The following NLGN1 variants were observed in gnomAD, a reference collection of about 807,000 sequenced individuals.
NLGN1 encodes the protein neuroligin-1.
NLGN1 carries 12 observed loss-of-function variants against 65.5 expected under a neutral mutation model. The observed-to-expected ratio is 0.18, with a 90% confidence interval of 0.12 to 0.30. NLGN1 has a LOEUF of 0.30. NLGN1 is among the 10% of genes least tolerant of loss of function. The pLI, the probability that NLGN1 is intolerant of heterozygous loss-of-function variation, is 1.00. For missense variants in NLGN1, 750 were observed against 1,007.1 expected (o/e 0.74, Z 3.46); for synonymous variants, 350 against 359.5 (o/e 0.97, Z 0.30).
chr3:174,209,464 G>A (rs1052500150), intron 4 of NLGN1, among the ~76,000 whole-genome samples: 2 of 151,992 alleles, frequency 1.3e-5, no homozygotes, highest in Admixed American at 6.6e-5. Flanking sequence ...ATCACACAGT[G>A]GCAAGCAAAT....
intron 3 of NLGN1, among the ~76,000 whole-genome samples, chr3:173,625,689 T>G (rs1208816603): frequency 6.6e-6 from 1 of 152,178 alleles, no homozygotes; most frequent in Non-Finnish European, 1.5e-5. Context: ...TTAAGAGATA[T>G]TAACTGATAA....
intron 3 of NLGN1, among the ~76,000 whole-genome samples, chr3:173,656,852 C>G (rs937365278): frequency 4.6e-5 from 7 of 151,928 alleles, no homozygotes; most frequent in African/African-American, 1.7e-4. Context: ...AAAGGGCAAT[C>G]TAAGCTACAA....
At chr3:173,658,047 A>G (rs1760342083) in intron 3 of NLGN1, among the ~76,000 whole-genome samples, 1 of 151,994 alleles carries the variant, frequency 6.6e-6, no homozygotes, top group Non-Finnish European at 1.5e-5. Flanking sequence ...AACATAGGTA[A>G]TTAAAGAACT....
intron 3 of NLGN1, among the ~76,000 whole-genome samples, chr3:173,635,611 G>T (rs1756453834): frequency 6.6e-6 from 1 of 152,030 alleles, no homozygotes; most frequent in Admixed American, 6.6e-5. Flanking sequence ...GGAAATAAAT[G>T]ATCACCCGGC....
chr3:173,774,113 A>G (rs1779964924), intron 3 of NLGN1, among the ~76,000 whole-genome samples: 1 of 152,196 alleles, frequency 6.6e-6, no homozygotes, highest in African/African-American at 2.4e-5. Flanking sequence ...TTATTTATAA[A>G]GCAATTGAAA....
intron 4 of NLGN1, among the ~76,000 whole-genome samples, chr3:173,888,114 C>A (rs1474486807): frequency 6.6e-6 from 1 of 151,900 alleles, no homozygotes; most frequent in Non-Finnish European, 1.5e-5. Flanking sequence ...TCACAATGTT[C>A]CCTTTATTCT....
chr3:174,019,935 A>T (rs1009114745), intron 4 of NLGN1, among the ~76,000 whole-genome samples: 1 of 152,112 alleles, frequency 6.6e-6, no homozygotes, highest in African/African-American at 2.4e-5. Context: ...AGATTGTATG[A>T]TTAATTTAAC....
intron 2 of NLGN1, among the ~76,000 whole-genome samples, chr3:173,571,772 T>G (rs62289861): frequency 0.38 from 57,289 of 151,912 alleles, 11,374 homozygotes; most frequent in East Asian, 0.73. Context: ...GTTGTTGTTG[T>G]TGGTGGTGAT....
At chr3:173,859,345 G>A (rs930999443) in intron 4 of NLGN1, among the ~76,000 whole-genome samples, 1 of 151,970 alleles carries the variant, frequency 6.6e-6, no homozygotes, top group East Asian at 1.9e-4. Context: ...TTGCATTTGG[G>A]CCACCATTAT....
At chr3:174,015,057 C>G (rs573766592) in intron 4 of NLGN1, among the ~76,000 whole-genome samples, 1 of 152,210 alleles carries the variant, frequency 6.6e-6, no homozygotes, top group South Asian at 2.1e-4. Flanking sequence ...AAAGCATAGT[C>G]TTATTTACCT....
intron 4 of NLGN1, among the ~76,000 whole-genome samples, chr3:174,012,812 T>C (rs1176848002): frequency 6.6e-6 from 1 of 152,166 alleles, no homozygotes; most frequent in Non-Finnish European, 1.5e-5. Context: ...AGGTTTGAGA[T>C]TATAGATACC....
rs532968457 is a variant in NLGN1, at chr3:173,778,714, C to T, written c.494-28966C>T. ...TTCTTTCTTAACAATAAAGTTAATG[C>T]TCCAAAAATGCATGAAAATTTATTT... On this transcript the variant is annotated intron_variant, in intron 3 of 6. Transcript: ENST00000457714. Among the ~76,000 whole-genome samples the T allele has an allele frequency of 4.0e-5, 6 of 151,898 alleles. No homozygotes were observed. The South Asian group carries it at 1.2e-3, about 31-fold the overall frequency.
At chr3:173,619,542 C>T (rs747001608) in intron 3 of NLGN1, among the ~76,000 whole-genome samples, 22 of 152,220 alleles carry the variant, frequency 1.4e-4, no homozygotes, top group Middle Eastern at 6.8e-3. Flanking sequence ...TACCACAGGC[C>T]AAGCATTGTT....
chr3:173,988,335 G>A (rs1355073911), intron 4 of NLGN1, among the ~76,000 whole-genome samples: 1 of 152,122 alleles, frequency 6.6e-6, no homozygotes, highest in African/African-American at 2.4e-5. Context: ...TATAGATACA[G>A]GTTTTGTGTG....
chr3:174,164,249 G>A (rs1487844011), intron 4 of NLGN1, among the ~76,000 whole-genome samples: 1 of 152,016 alleles, frequency 6.6e-6, no homozygotes, highest in African/African-American at 2.4e-5. Flanking sequence ...TTTGAGAGGT[G>A]TCTGTTCCTG....
intron 3 of NLGN1, among the ~76,000 whole-genome samples, chr3:173,680,866 G>T (rs1763853652): frequency 6.6e-6 from 1 of 152,086 alleles, no homozygotes; most frequent in African/African-American, 2.4e-5. Context: ...ACCCTTTCTG[G>T]CTCCAACTGA....
intron 2 of NLGN1, among the ~76,000 whole-genome samples, chr3:173,582,191 G>A (rs75323521): frequency 0.013 from 1,952 of 152,026 alleles, 47 homozygotes; most frequent in East Asian, 0.11. Flanking sequence ...TCAAGGAGCT[G>A]AGGTAACATT....
intron 4 of NLGN1, among the ~76,000 whole-genome samples, chr3:174,073,353 T>C (rs1740295897): frequency 6.6e-6 from 1 of 152,208 alleles, no homozygotes; most frequent in Non-Finnish European, 1.5e-5. Context: ...TGTATTTCAA[T>C]AACTTTTGAA....
intron 4 of NLGN1, among the ~76,000 whole-genome samples, chr3:173,979,918 C>G (rs6792822): frequency 6.6e-6 from 1 of 151,724 alleles, no homozygotes; most frequent in Non-Finnish European, 1.5e-5. Context: ...CATCTGGCAC[C>G]TTATCAATAA....
Sources: gnomAD v4.1 joint callset for allele counts (sites outside exome capture counted in the v4.1 genomes callset) on GRCh38, gnomAD v4.1.1 for gene constraint, MANE v1.5 for transcripts, NCBI Gene and HGNC (gene_info 2026-07-23, HGNC 2026-07-21) for gene names.